Variants in SNX31 observed in about 807,000 individuals in gnomAD.
SNX31 encodes sorting nexin 31, also known as sorting nexin-31.
SNX31 carries 58 observed loss-of-function variants against 65.4 expected under a neutral mutation model. The ratio of observed to expected loss-of-function variants is 0.89; its 90% CI spans 0.72 to 1.10. The LOEUF (loss-of-function observed/expected upper bound fraction) is 1.10. SNX31 is among the 50% of genes least tolerant of loss of function. SNX31 has a pLI of 0.00. For missense variants in SNX31, 523 were observed against 529.7 expected (o/e 0.99, Z 0.12); for synonymous variants, 181 against 190.1 (o/e 0.95, Z 0.39).
Position 100,609,057 on chromosome 8 carries a change from C to T in SNX31, c.612-494G>A, listed in dbSNP as rs576235192. On this transcript the variant is annotated intron_variant, in intron 7 of 13. Transcript: ENST00000311812. The surrounding 1 kb of genome is among the most constrained non-coding windows in gnomAD (Gnocchi z 4.9). ...CCACATTCTAACCAGAGTGGTCTTT[C>T]CTGTGAAACTTTTCAGACTCTCATT... Among the ~76,000 whole-genome samples the T allele has an allele frequency of 3.9e-5, 6 of 152,282 alleles. No homozygotes were observed. In the East Asian group the frequency reaches 1.2e-3, roughly 29 times the overall value.
Position 100,635,896 on chromosome 8 carries a change from C to G in SNX31, c.256+1G>C. 1 of 1,605,148 alleles carries G rather than the reference C, an allele frequency of 6.2e-7. No homozygotes were observed. The highest frequency in any genetic ancestry group is 8.5e-7 in the Non-Finnish European group (1 of 1,172,020). Reference sequence around the variant, plus strand: ...TTTTAAAAAACCCTGCAAATACATACCATTTTGCAAATATTGTTCCAGTTG... The same window carrying G: ...TTTTAAAAAACCCTGCAAATACATAGCATTTTGCAAATATTGTTCCAGTTG... On this transcript the variant is annotated splice_donor_variant, in intron 3 of 13. Coordinates refer to ENST00000311812, the MANE Select transcript of SNX31 (RefSeq NM_152628.4). LOFTEE classifies it high-confidence loss of function.
At chr8:100,653,172 T>C (rs1471356589), upstream of SNX31, among the ~76,000 whole-genome samples, 1 of 152,212 alleles carries the variant, frequency 6.6e-6, no homozygotes, top group Non-Finnish European at 1.5e-5. Flanking sequence ...TATCTTTCTC[T>C]GTCTTTACTT....
At chr8:100,636,341 C>T (rs970171987) in intron 2 of SNX31, among the ~76,000 whole-genome samples, 1 of 152,216 alleles carries the variant, frequency 6.6e-6, no homozygotes, top group Non-Finnish European at 1.5e-5. Context: ...CATTCCACAA[C>T]AGTGTCTGTG....
At chr8:100,623,307 G>C (rs112907277) in intron 4 of SNX31, among the ~76,000 whole-genome samples, 1 of 152,074 alleles carries the variant, frequency 6.6e-6, no homozygotes, top group Non-Finnish European at 1.5e-5. Context: ...AAGGGGGAGG[G>C]CGCTAAACCA....
chr8:100,641,625 CATATATATATAT>C (rs368399829), intron 2 of SNX31, among the ~76,000 whole-genome samples: 85 of 48,828 alleles, frequency 1.7e-3, no homozygotes, highest in African/African-American at 7.2e-3. Flanking sequence ...CACACACGCG[CATATATATATAT>C]ATATATATAT....
chr8:100,609,701 T>C lies in SNX31; in HGVS notation c.612-1138A>G, dbSNP rs779953560. On this transcript the variant is annotated intron_variant, in intron 7 of 13. Transcript: ENST00000311812. This position sits in a 1 kb window ranked among gnomAD's most constrained non-coding sequence, Gnocchi z 4.9. ...GCTTAGACCAGGAAAGGGATAAATA[T>C]GGTGCTTGAAGGTCAACTTCATTCT... Among the ~76,000 whole-genome samples, 4 of 152,120 alleles carry C rather than the reference T, an allele frequency of 2.6e-5. No individual in the cohort carries two copies. The highest frequency in any genetic ancestry group is 5.9e-5 in the Non-Finnish European group (4 of 68,032).
chr8:100,573,676 T>C lies in SNX31; in HGVS notation c.*189A>G. 5.2e-6 allele frequency: 2 copies of C among 381,680 alleles called. No individual in the cohort carries two copies. Among genetic ancestry groups the C allele is most frequent in the Non-Finnish European group, 9.3e-6 (2 of 214,768 alleles). 23.6% of individuals were successfully genotyped at this position (381,680 alleles called of 1,614,324 possible). A position where few individuals can be genotyped will look rare whatever the true frequency, so the allele number is the denominator to read the frequency against. On this transcript the variant is annotated 3_prime_UTR_variant, in exon 14 of 14. Coordinates refer to ENST00000311812, the MANE Select transcript of SNX31 (RefSeq NM_152628.4). ...ACTCTATAACTTGGTTCTTTTTTTT[T>C]TTCTAATCTTGAGATTTCCATAGAG...
In SNX31 at chr8:100,636,234, G is replaced by T. The variant is rs112708161; in HGVS notation, c.142-223C>A. Among the ~76,000 whole-genome samples, 563 of 152,346 alleles carry T rather than the reference G, an allele frequency of 3.7e-3. 7 individuals are homozygous for T. The highest frequency in any genetic ancestry group is 0.013 in the African/African-American group (544 of 41,578). On this transcript the variant is annotated intron_variant, in intron 2 of 13. Transcript: ENST00000311812. ...TTACTAGACATATCACAGACCGACA[G>T]CTCCAGTCTAAGTTTGGTAGAGCTG...
chr8:100,603,154 A>G (rs931480040), intron 8 of SNX31, among the ~76,000 whole-genome samples: 66 of 152,302 alleles, frequency 4.3e-4, no homozygotes, highest in African/African-American at 1.4e-3. Flanking sequence ...TGTGTCCCCA[A>G]TTCTTCATCA....
At chr8:100,631,196 A>G (rs917996744) in intron 3 of SNX31, among the ~76,000 whole-genome samples, 10 of 152,260 alleles carry the variant, frequency 6.6e-5, no homozygotes, top group African/African-American at 2.4e-4. Flanking sequence ...ATTAACAAAA[A>G]TATTTTTACC....
intron 2 of SNX31, among the ~76,000 whole-genome samples, chr8:100,636,366 G>C (rs1166869089): frequency 6.6e-5 from 10 of 152,044 alleles, no homozygotes; most frequent in Non-Finnish European, 1.5e-5. Flanking sequence ...CAATTACAAC[G>C]GGAATTAAAT....
intron 2 of SNX31, among the ~76,000 whole-genome samples, chr8:100,640,745 G>C (rs1483796280): frequency 6.6e-6 from 1 of 151,718 alleles, no homozygotes; most frequent in Non-Finnish European, 1.5e-5. Context: ...TTCCAAGAAG[G>C]ATATTCTACA....
intron 8 of SNX31, among the ~76,000 whole-genome samples, chr8:100,605,229 C>T (rs139380572): frequency 2.1e-4 from 32 of 152,190 alleles, no homozygotes; most frequent in Admixed American, 8.5e-4. Flanking sequence ...TCCCAGACAC[C>T]CAGGACACAG....
At chr8:100,584,940 G>T (rs531683732) in intron 11 of SNX31, among the ~76,000 whole-genome samples, 2 of 151,920 alleles carry the variant, frequency 1.3e-5, no homozygotes, top group Admixed American at 1.3e-4. Context: ...GGCCAGGCTG[G>T]TCTCAAATTC....
intron 2 of SNX31, among the ~76,000 whole-genome samples, chr8:100,647,107 T>C (rs942200894): frequency 6.6e-6 from 1 of 152,282 alleles, no homozygotes; most frequent in Admixed American, 6.5e-5. Flanking sequence ...TGATTATAAA[T>C]ACCAATAGCC....
At chr8:100,607,883 T>C (rs181989696) in intron 8 of SNX31, among the ~76,000 whole-genome samples, 2 of 152,292 alleles carry the variant, frequency 1.3e-5, no homozygotes, top group East Asian at 3.9e-4. Context: ...TACAGGAGCA[T>C]GGGTTCTCTG....
chr8:100,596,324 CTG>C (rs1815088032), intron 10 of SNX31, among the ~76,000 whole-genome samples: 1 of 152,178 alleles, frequency 6.6e-6, no homozygotes, highest in African/African-American at 2.4e-5. Context: ...CTTGTCAACA[CTG>C]AGCACGTAGT....
chr8:100,657,983 T>C, intron 1 of SNX31: 1 of 358,084 alleles, frequency 2.8e-6, no homozygotes, highest in Non-Finnish European at 5.5e-6. Context: ...CACAGATCCT[T>C]GGCATTTTGT....
intron 2 of SNX31, among the ~76,000 whole-genome samples, chr8:100,638,802 G>A (rs1818952293): frequency 6.6e-6 from 1 of 152,140 alleles, no homozygotes; most frequent in South Asian, 2.1e-4. Context: ...CAACAAAGAT[G>A]TCCTTCAGTC....
Sources: gnomAD v4.1 joint callset for allele counts (sites outside exome capture counted in the v4.1 genomes callset) on GRCh38, gnomAD v4.1.1 for gene constraint, Gnocchi (gnomAD v3.1) non-coding constraint, MANE v1.5 for transcripts, NCBI Gene and HGNC (gene_info 2026-07-23, HGNC 2026-07-21) for gene names.